The following SHISA9 variants were observed in gnomAD, a reference collection of about 807,000 sequenced individuals.
SHISA9 encodes the protein protein shisa-9.
A neutral mutation model predicts 38.0 loss-of-function variants in SHISA9; 13 were observed. The ratio of observed to expected loss-of-function variants is 0.34; its 90% CI spans 0.22 to 0.54. SHISA9 has a LOEUF of 0.54. Among genes scored for constraint, SHISA9 ranks in the 20% least tolerant of loss-of-function variants. SHISA9 has a pLI of 0.91. For synonymous variants in SHISA9, 275 were observed against 242.0 expected, an observed-to-expected ratio of 1.14 and a Z score of -1.27; for missense variants, 538 against 575.8, an observed-to-expected ratio of 0.93 and a Z score of 0.67.
chr16:13,473,980 A>G, the SHISA9 span, among the ~76,000 whole-genome samples: 1 of 152,220 alleles, frequency 6.6e-6, no homozygotes, highest in African/African-American at 2.4e-5. Context: ...TGAATGTGCC[A>G]CTGCCTGATG....
chr16:13,542,189 T>C, the SHISA9 span, among the ~76,000 whole-genome samples: 1 of 152,140 alleles, frequency 6.6e-6, no homozygotes, highest in Non-Finnish European at 1.5e-5. Flanking sequence ...AGAGGGAGCA[T>C]GCCCCTGCTG....
chr16:13,175,703 G>A (rs976833434), intron 2 of SHISA9, among the ~76,000 whole-genome samples: 1 of 152,224 alleles, frequency 6.6e-6, no homozygotes, highest in Non-Finnish European at 1.5e-5. Flanking sequence ...CACATTGGGT[G>A]GGATGAATCC....
the SHISA9 span, among the ~76,000 whole-genome samples, chr16:13,317,452 A>T: frequency 6.4e-4 from 98 of 152,176 alleles, no homozygotes; most frequent in Admixed American, 1.7e-3. Context: ...TTCTTTTTTT[A>T]AATTTTATTA....
At chr16:13,253,373 C>G in the SHISA9 span, among the ~76,000 whole-genome samples, 1,080 of 152,184 alleles carry the variant, frequency 7.1e-3, 9 homozygotes, top group African/African-American at 0.024. Context: ...GAACACCTGT[C>G]CAAAGGTACA....
intron 2 of SHISA9, among the ~76,000 whole-genome samples, chr16:13,063,521 C>T (rs1031979283): frequency 2.6e-5 from 4 of 152,136 alleles, no homozygotes; most frequent in Admixed American, 6.5e-5. Flanking sequence ...CTTCTGCCTC[C>T]GTGTGTTCTT....
At chr16:13,128,056 A>C (rs1330104253) in intron 2 of SHISA9, among the ~76,000 whole-genome samples, 2 of 152,182 alleles carry the variant, frequency 1.3e-5, no homozygotes, top group African/African-American at 4.8e-5. Context: ...TGAATTCTGC[A>C]TCATTAAGAT....
At chr16:13,077,538 C>T (rs1038556687) in intron 2 of SHISA9, among the ~76,000 whole-genome samples, 4 of 152,104 alleles carry the variant, frequency 2.6e-5, no homozygotes, top group Admixed American at 2.0e-4. Context: ...GGTCCATTTC[C>T]ATGTTTGAGG....
chr16:13,527,275 C>T, the SHISA9 span, among the ~76,000 whole-genome samples: 2 of 152,136 alleles, frequency 1.3e-5, no homozygotes, highest in Non-Finnish European at 1.5e-5. Context: ...CTGGAATCTC[C>T]CTCAGCGTTT....
rs528297386 is a variant in SHISA9, at chr16:12,984,851, G to A, written c.691+68036G>A. On this transcript the variant is annotated intron_variant, in intron 2 of 4. Transcript: ENST00000558583. ...ACCCTATATGGGAGTAAGTCTGTAC[G>A]GCCTGAGGTGCCTAAAGGGTGCAGG... Among the ~76,000 whole-genome samples, 453 of 152,190 alleles carry A rather than the reference G, an allele frequency of 3.0e-3. 3 individuals are homozygous for A. Among genetic ancestry groups the A allele is most frequent in the African/African-American group, 0.01 (435 of 41,532 alleles).
At chr16:13,077,038 G>T (rs1451955516) in intron 2 of SHISA9, among the ~76,000 whole-genome samples, 1 of 152,172 alleles carries the variant, frequency 6.6e-6, no homozygotes, top group Non-Finnish European at 1.5e-5. Flanking sequence ...GAGCAAAAGG[G>T]CTTACTCACT....
chr16:13,531,203 C>G, the SHISA9 span, among the ~76,000 whole-genome samples: 6 of 152,120 alleles, frequency 3.9e-5, no homozygotes, highest in African/African-American at 1.2e-4. Flanking sequence ...AGTATCCTAA[C>G]TAATGAGAGT....
At chr16:13,019,998 T>G (rs1417414002) in intron 2 of SHISA9, among the ~76,000 whole-genome samples, 1 of 133,914 alleles carries the variant, frequency 7.5e-6, no homozygotes, top group Non-Finnish European at 1.6e-5. Flanking sequence ...CTTCCTTCCT[T>G]CCTTCCTTCC....
the SHISA9 span, among the ~76,000 whole-genome samples, chr16:13,296,405 CTGTTTT>C: frequency 2.6e-5 from 4 of 151,542 alleles, no homozygotes; most frequent in African/African-American, 7.3e-5. Flanking sequence ...GCTGTGCGTG[CTGTTTT>C]TGAACAGCAC....
In SHISA9 at chr16:13,072,948, G is replaced by A. The variant is rs541266067; in HGVS notation, c.692-130446G>A. On this transcript the variant is annotated intron_variant, in intron 2 of 4. Coordinates refer to ENST00000558583, the MANE Select transcript of SHISA9 (RefSeq NM_001145204.3). ...ATTGCTGGGATTACAGGTGTGAGCC[G>A]CCATCCCTGGCCTTATTTTATGTTT... 7.6e-4 allele frequency among the ~76,000 whole-genome samples: 115 copies of A among 152,144 alleles called. 1 individual carries two copies. The highest frequency in any genetic ancestry group is 1.2e-3 in the Non-Finnish European group (82 of 67,992).
intron 2 of SHISA9, among the ~76,000 whole-genome samples, chr16:13,066,096 A>C (rs2073431561): frequency 6.6e-6 from 1 of 152,096 alleles, no homozygotes. Context: ...GGAGATACGA[A>C]CTTTCAGAGC....
intron 4 of SHISA9, among the ~76,000 whole-genome samples, chr16:13,227,302 C>G (rs533012751): frequency 3.0e-4 from 45 of 152,224 alleles, no homozygotes; most frequent in African/African-American, 1.0e-3. Flanking sequence ...AGTTTGGTTA[C>G]TGAAGTAGAA....
At chr16:13,143,850 C>A (rs557164267) in intron 2 of SHISA9, among the ~76,000 whole-genome samples, 2 of 152,102 alleles carry the variant, frequency 1.3e-5, no homozygotes, top group African/African-American at 4.8e-5. Context: ...GACTTTACAT[C>A]GACTGCTTAT....
the SHISA9 span, among the ~76,000 whole-genome samples, chr16:13,420,120 C>T: frequency 6.6e-6 from 1 of 151,770 alleles, no homozygotes; most frequent in South Asian, 2.1e-4. Flanking sequence ...GTGGTGGGCA[C>T]CTGTAATCCC....
intron 2 of SHISA9, among the ~76,000 whole-genome samples, chr16:13,192,578 A>C (rs922076712): frequency 1.3e-5 from 2 of 152,004 alleles, no homozygotes; most frequent in African/African-American, 4.8e-5. Context: ...CTAATTTGGG[A>C]GGAAACTTGT....
Sources: allele counts gnomAD v4.1 joint callset (sites outside exome capture counted in the v4.1 genomes callset), GRCh38; gene constraint gnomAD v4.1.1; transcripts MANE v1.5; gene names NCBI Gene and HGNC (gene_info 2026-07-23, HGNC 2026-07-21).